Variants in ITGAM observed in about 807,000 individuals in gnomAD.
ITGAM encodes integrin alpha-M.
Under a neutral mutation model 137.5 loss-of-function variants are expected in ITGAM, and 79 were observed. The ratio of observed to expected loss-of-function variants is 0.57; its 90% CI spans 0.48 to 0.69. The LOEUF (loss-of-function observed/expected upper bound fraction) is 0.69, where lower values mean the gene tolerates loss of function less well. Among genes scored for constraint, ITGAM ranks in the 30% least tolerant of loss-of-function variants. The pLI, the probability that ITGAM is intolerant of heterozygous loss-of-function variation, is 0.00. For missense variants in ITGAM, 1,343 were observed against 1,483.5 expected, an observed-to-expected ratio of 0.91 and a Z score of 1.56; for synonymous variants, 583 against 592.3, an observed-to-expected ratio of 0.98 and a Z score of 0.23.
At position 31,325,227 on chromosome 16, in the gene ITGAM, C is replaced by T. The variant is rs771625042; in HGVS notation, c.2364-36C>T. On this transcript the variant is annotated intron_variant, in intron 19 of 29. Transcript: ENST00000544665. Reference sequence around the variant, plus strand: ...GCAGGCTTGCCACAGGGAAGCCCAGCGCCCCATCCCCCGGCCTGTCTTCTT... The same window carrying T: ...GCAGGCTTGCCACAGGGAAGCCCAGTGCCCCATCCCCCGGCCTGTCTTCTT... 2.3e-5 allele frequency: 36 copies of T among 1,585,368 alleles called. No homozygotes were observed. In the East Asian group the frequency reaches 7.8e-4, roughly 34 times the overall value.
At chr16:31,293,779 A>G (rs2080108517) in intron 12 of ITGAM, among the ~76,000 whole-genome samples, 1 of 152,146 alleles carries the variant, frequency 6.6e-6, no homozygotes, top group Non-Finnish European at 1.5e-5. Context: ...GAAGAATGTC[A>G]TTGGTAGCTT....
intron 12 of ITGAM, among the ~76,000 whole-genome samples, chr16:31,287,762 A>G (rs900579796): frequency 6.6e-6 from 1 of 151,998 alleles, no homozygotes; most frequent in Non-Finnish European, 1.5e-5. Context: ...CAAATTCTTC[A>G]CGTGGTCTCT....
chr16:31,270,699 GTATATATATATATATATATATATATA>G lies in ITGAM; in HGVS notation c.428-235_428-210del, dbSNP rs869206231. Among the ~76,000 whole-genome samples, 43 of 26,012 alleles carry G rather than the reference GTATATATATATATATATATATATATA, an allele frequency of 1.7e-3. 4 individuals are homozygous for G. Among genetic ancestry groups the G allele is most frequent in the East Asian group, 0.011 (7 of 628 alleles). 17.1% of individuals were successfully genotyped at this position (26,012 alleles called of 152,430 possible). A position where few individuals can be genotyped will look rare whatever the true frequency, so the allele number is the denominator to read the frequency against. ...TGACTAATTTTTAACGTGTGTGTGT[GTATATATATATATATATATATATATA>G]TATATATATATATATATATGTTTTT... On this transcript the variant is annotated intron_variant, in intron 5 of 29. Coordinates refer to ENST00000544665, the MANE Select transcript of ITGAM (RefSeq NM_000632.4).
At chr16:31,273,678 T>G in intron 8 of ITGAM, 160 bp downstream of exon 8, 1 of 655,858 alleles carries the variant, frequency 1.5e-6, no homozygotes, top group East Asian at 3.0e-5. Context: ...CAATGCTGTG[T>G]AATAAACTAT....
In ITGAM at chr16:31,324,577, C is replaced by G; in HGVS notation, c.2157+24C>G. ...CGGTGAGCAGGCTAGTGGCCAGACC[C>G]CTGGGTCTTCCAAGCATGGAGTGGG... is the stretch of plus-strand genomic sequence containing the variant. On this transcript the variant is annotated intron_variant, in intron 17 of 29. Coordinates refer to ENST00000544665, the MANE Select transcript of ITGAM (RefSeq NM_000632.4). This position sits in a 1 kb window ranked among gnomAD's most constrained non-coding sequence, Gnocchi z 4.5. The G allele has an allele frequency of 1.2e-6, 2 of 1,610,028 alleles. No homozygotes were observed. The highest frequency in any genetic ancestry group is 1.7e-6 in the Non-Finnish European group (2 of 1,178,236).
At chr16:31,318,678 CTT>C in intron 14 of ITGAM, among the ~76,000 whole-genome samples, 1 of 152,270 alleles carries the variant, frequency 6.6e-6, no homozygotes, top group East Asian at 1.9e-4. Context: ...GAAAAATCAA[CTT>C]AATTTCATTG....
intron 12 of ITGAM, among the ~76,000 whole-genome samples, chr16:31,284,784 C>A (rs958342520): frequency 1.3e-5 from 2 of 152,130 alleles, no homozygotes; most frequent in African/African-American, 2.4e-5. Context: ...ATGCAGAAAT[C>A]ACTTGTCTTC....
intron 28 of ITGAM, 64 bp from the exon 29 acceptor site, chr16:31,331,101 T>C (rs2080575962): frequency 4.8e-6 from 4 of 831,444 alleles, no homozygotes; most frequent in Non-Finnish European, 8.1e-6. Context: ...GTGCACACGG[T>C]GTGAATGGGG....
At chr16:31,313,071 A>G (rs1461033436) in intron 14 of ITGAM, among the ~76,000 whole-genome samples, 1 of 152,058 alleles carries the variant, frequency 6.6e-6, no homozygotes, top group Non-Finnish European at 1.5e-5. Flanking sequence ...TACAAAAATT[A>G]GCTGGGCTTG....
intron 5 of ITGAM, among the ~76,000 whole-genome samples, chr16:31,266,862 ATTTTTTTTTTTT>A (rs79448805): frequency 0.73 from 106,491 of 145,292 alleles, 39,039 homozygotes; most frequent in Middle Eastern, 0.88. Context: ...GACTGTATGG[ATTTTTTTTTTTT>A]TTTTTTTTTT....
chr16:31,296,979 C>A (rs759204410), intron 12 of ITGAM, among the ~76,000 whole-genome samples: 1 of 152,070 alleles, frequency 6.6e-6, no homozygotes, highest in Admixed American at 6.5e-5. Flanking sequence ...CTTTTTACCT[C>A]CCTAAAGATT....
chr16:31,263,286 T>A (rs1055169615), intron 2 of ITGAM, among the ~76,000 whole-genome samples: 3 of 152,234 alleles, frequency 2.0e-5, no homozygotes, highest in Non-Finnish European at 4.4e-5. Flanking sequence ...TAATGAACAT[T>A]TAGATTGTTC....
chr16:31,329,073 T>TCACC, intron 23 of ITGAM, 155 bp from the exon 24 acceptor site: 3 of 426,228 alleles, frequency 7.0e-6, no homozygotes, highest in South Asian at 6.4e-5. Context: ...ACACATTGGT[T>TCACC]CCCCCATCCC....
chr16:31,306,845 A>T (rs2080270123), intron 14 of ITGAM, among the ~76,000 whole-genome samples: 1 of 152,186 alleles, frequency 6.6e-6, no homozygotes, highest in South Asian at 2.1e-4. Flanking sequence ...ATCATGTTTA[A>T]CAGAGAGTTT....
chr16:31,296,225 C>A (rs1293455642), intron 12 of ITGAM, among the ~76,000 whole-genome samples: 1 of 151,072 alleles, frequency 6.6e-6, no homozygotes, highest in Non-Finnish European at 1.5e-5. Context: ...CTGCCTCAGC[C>A]TCTTGAGTAG....
chr16:31,311,448 A>C (rs1219533408), intron 14 of ITGAM, among the ~76,000 whole-genome samples: 1 of 152,228 alleles, frequency 6.6e-6, no homozygotes, highest in East Asian at 1.9e-4. Context: ...GAAAAAAACA[A>C]ACAACCCCAT....
chr16:31,270,137 G>GCTTTGCTTTC (rs1199675218), intron 5 of ITGAM, among the ~76,000 whole-genome samples: 3 of 88,452 alleles, frequency 3.4e-5, no homozygotes, highest in South Asian at 4.5e-4. Context: ...TTCCTCCTTT[G>GCTTTGCTTTC]CTTTCCTTTC....
intron 12 of ITGAM, among the ~76,000 whole-genome samples, chr16:31,282,553 C>T (rs1347778283): frequency 6.6e-6 from 1 of 151,948 alleles, no homozygotes; most frequent in Non-Finnish European, 1.5e-5. Context: ...CTGGTTTTTT[C>T]TGTTTTCCAT....
intron 5 of ITGAM, among the ~76,000 whole-genome samples, chr16:31,269,546 A>G (rs1160032784): frequency 6.6e-6 from 1 of 152,132 alleles, no homozygotes; most frequent in Non-Finnish European, 1.5e-5. Flanking sequence ...GTTAAGTTAG[A>G]TCTCTTTCAC....
Sources: allele counts gnomAD v4.1 joint callset (sites outside exome capture counted in the v4.1 genomes callset), GRCh38; gene constraint gnomAD v4.1.1; non-coding constraint Gnocchi (gnomAD v3.1); transcripts MANE v1.5; gene names NCBI Gene and HGNC (gene_info 2026-07-23, HGNC 2026-07-21).